Variants in GMDS observed in about 807,000 individuals in gnomAD.
GMDS encodes the protein GDP-mannose 4,6 dehydratase.
A neutral mutation model predicts 49.9 loss-of-function variants in GMDS; 20 were observed. The observed-to-expected ratio is 0.40, with a 90% CI of 0.28 to 0.58. The LOEUF (loss-of-function observed/expected upper bound fraction) is 0.58, where lower values mean the gene tolerates loss of function less well. GMDS is among the 20% of genes least tolerant of loss of function. The probability of loss-of-function intolerance (pLI) is 0.42; values close to 1 mark genes in which losing one functional copy is unlikely to be tolerated. For missense variants in GMDS, 362 were observed against 481.4 expected (o/e 0.75, Z 2.32); for synonymous variants, 177 against 178.6 (o/e 0.99, Z 0.07).
chr6:2,068,419 A>G (rs943018357), intron 4 of GMDS, among the ~76,000 whole-genome samples: 2 of 152,090 alleles, frequency 1.3e-5, no homozygotes, highest in African/African-American at 4.8e-5. Flanking sequence ...TGACCAGGGC[A>G]ATTAGGCAGG....
intron 9 of GMDS, among the ~76,000 whole-genome samples, chr6:1,655,772 T>G (rs756834206): frequency 3.9e-5 from 6 of 152,240 alleles, no homozygotes; most frequent in Non-Finnish European, 8.8e-5. Flanking sequence ...CCCAAAGTGC[T>G]GGGATTACAG....
At chr6:2,222,981 C>A (rs1470275280) in intron 1 of GMDS, among the ~76,000 whole-genome samples, 1 of 152,074 alleles carries the variant, frequency 6.6e-6, no homozygotes, top group Admixed American at 6.6e-5. Flanking sequence ...TGCCTCCAAG[C>A]GGCCTAGATG....
chr6:1,976,639 G>T (rs1159006856), intron 4 of GMDS, among the ~76,000 whole-genome samples: 2 of 129,226 alleles, frequency 1.5e-5, no homozygotes, highest in East Asian at 2.2e-4. Flanking sequence ...AGGAAATTCA[G>T]CAACAGATAC....
intron 6 of GMDS, among the ~76,000 whole-genome samples, chr6:1,938,583 T>C (rs1762658786): frequency 6.6e-6 from 1 of 152,196 alleles, no homozygotes; most frequent in Non-Finnish European, 1.5e-5. Flanking sequence ...TTTTTTCTCC[T>C]GTTAATGTAA....
In GMDS at chr6:1,673,345, TC is replaced by T. The variant is rs1764486552; in HGVS notation, c.988-48806del. Among the ~76,000 whole-genome samples, 3 of 150,106 alleles carry T rather than the reference TC, an allele frequency of 2.0e-5. No homozygotes were observed. In the South Asian group the frequency reaches 6.4e-4, roughly 32 times the overall value. On this transcript the variant is annotated intron_variant, in intron 9 of 10. Coordinates refer to ENST00000380815, the MANE Select transcript of GMDS (RefSeq NM_001500.4). Reference sequence around the variant, plus strand: ...CAGTTTTTTTCAACTTCGTGACTTCTCCTCAGTTAGGTTACCAAAGGGCTTT... The same window carrying T: ...CAGTTTTTTTCAACTTCGTGACTTCTCTCAGTTAGGTTACCAAAGGGCTTT...
intron 1 of GMDS, among the ~76,000 whole-genome samples, chr6:2,198,190 C>T (rs1413802518): frequency 1.3e-5 from 2 of 152,198 alleles, no homozygotes; most frequent in African/African-American, 2.4e-5. Context: ...GCAGAACTTG[C>T]AGCAGGAGCT....
chr6:2,062,081 C>T (rs1431284931), intron 4 of GMDS, among the ~76,000 whole-genome samples: 1 of 152,116 alleles, frequency 6.6e-6, no homozygotes, highest in African/African-American at 2.4e-5. Context: ...TTCTTGACCA[C>T]AATTATGCCT....
intron 7 of GMDS, among the ~76,000 whole-genome samples, chr6:1,784,582 A>G (rs1341886224): frequency 1.3e-5 from 2 of 152,142 alleles, no homozygotes; most frequent in African/African-American, 2.4e-5. Flanking sequence ...TGAGAGGGAT[A>G]AAACAAATCT....
At chr6:1,921,466 C>T (rs1271461442) in intron 7 of GMDS, among the ~76,000 whole-genome samples, 5 of 152,272 alleles carry the variant, frequency 3.3e-5, no homozygotes, top group Non-Finnish European at 4.4e-5. Flanking sequence ...CCAGATAAAA[C>T]AGGCAATTGA....
intron 4 of GMDS, among the ~76,000 whole-genome samples, chr6:2,019,320 C>G (rs1768110159): frequency 6.6e-6 from 1 of 151,880 alleles, no homozygotes; most frequent in African/African-American, 2.4e-5. Context: ...ACTGCTCTAG[C>G]TCCAGCCTCC....
chr6:1,711,944 C>T (rs560323686), intron 9 of GMDS, among the ~76,000 whole-genome samples: 89 of 152,282 alleles, frequency 5.8e-4, no homozygotes, highest in African/African-American at 2.1e-3. Flanking sequence ...GAACATGCCC[C>T]CCAAAGCCCC....
chr6:1,890,914 A>G (rs1759840379), intron 7 of GMDS, among the ~76,000 whole-genome samples: 1 of 152,208 alleles, frequency 6.6e-6, no homozygotes, highest in African/African-American at 2.4e-5. Flanking sequence ...CAATTTTAGC[A>G]CTTACATTTC....
At chr6:1,634,797 C>T (rs546503543) in intron 9 of GMDS, among the ~76,000 whole-genome samples, 93 of 151,912 alleles carry the variant, frequency 6.1e-4, no homozygotes, top group African/African-American at 2.0e-3. Context: ...TGGTGAGAGA[C>T]GATGGTGGCC....
intron 9 of GMDS, among the ~76,000 whole-genome samples, chr6:1,708,205 C>T (rs759795490): frequency 7.2e-5 from 11 of 152,122 alleles, no homozygotes; most frequent in Non-Finnish European, 8.8e-5. Context: ...CACAGAAAAG[C>T]GTGAAACAAA....
At chr6:1,838,855 G>A (rs753151140) in intron 7 of GMDS, among the ~76,000 whole-genome samples, 1 of 152,164 alleles carries the variant, frequency 6.6e-6, no homozygotes, top group Non-Finnish European at 1.5e-5. Flanking sequence ...TACTCTGTTT[G>A]CTTAGTGCTC....
intron 4 of GMDS, among the ~76,000 whole-genome samples, chr6:2,084,651 C>T (rs1016179056): frequency 9.9e-5 from 15 of 152,040 alleles, no homozygotes; most frequent in Admixed American, 4.6e-4. Flanking sequence ...GGACTACAGG[C>T]GCCCGCCACC....
At chr6:1,755,242 C>T (rs1477967271) in intron 7 of GMDS, among the ~76,000 whole-genome samples, 1 of 152,150 alleles carries the variant, frequency 6.6e-6, no homozygotes, top group Non-Finnish European at 1.5e-5. Context: ...CAATAATAGA[C>T]AAACAGCCAA....
intron 7 of GMDS, among the ~76,000 whole-genome samples, chr6:1,808,220 GT>G (rs1482203465): frequency 6.6e-6 from 1 of 152,222 alleles, no homozygotes; most frequent in Non-Finnish European, 1.5e-5. Context: ...CGTGCTGTTG[GT>G]TTGATCCTAT....
At chr6:1,737,975 T>TACAC (rs370340563) in intron 8 of GMDS, among the ~76,000 whole-genome samples, 3 of 108,546 alleles carry the variant, frequency 2.8e-5, no homozygotes, top group African/African-American at 1.1e-4. Context: ...TACACACACA[T>TACAC]ACACACACAC....
Sources: gnomAD v4.1 joint callset for allele counts (sites outside exome capture counted in the v4.1 genomes callset) on GRCh38, gnomAD v4.1.1 for gene constraint, MANE v1.5 for transcripts, NCBI Gene and HGNC (gene_info 2026-07-23, HGNC 2026-07-21) for gene names.